GNG7: variants seen among roughly 807,000 people sequenced by gnomAD.
GNG7 encodes guanine nucleotide-binding protein G(I)/G(S)/G(O) subunit gamma-7.
A neutral mutation model predicts 4.0 loss-of-function variants in GNG7; 1 was observed. That is an observed-to-expected ratio of 0.25 (90% confidence interval 0.09 to 1.18). GNG7 has a LOEUF of 1.18. GNG7 is among the 50% of genes most tolerant of loss of function. GNG7 has a pLI of 0.50. For missense variants in GNG7, 86 were observed against 91.9 expected (o/e 0.94, Z 0.26); for synonymous variants, 34 against 36.9 (o/e 0.92, Z 0.29).
intron 3 of GNG7, among the ~76,000 whole-genome samples, chr19:2,545,119 A>T (rs965136824): frequency 2.0e-5 from 3 of 151,628 alleles, no homozygotes; most frequent in African/African-American, 7.3e-5. Flanking sequence ...GGGTCCGTGG[A>T]ATCCCCTATC....
intron 3 of GNG7, among the ~76,000 whole-genome samples, chr19:2,526,566 GATTC>G (rs775252517): frequency 1.4e-3 from 214 of 148,458 alleles, no homozygotes; most frequent in Non-Finnish European, 2.7e-3. Context: ...CATATTTGAA[GATTC>G]ATTCACTATA....
intron 2 of GNG7, chr19:2,643,262 A>G (rs1337518777): frequency 2.3e-6 from 1 of 429,078 alleles, no homozygotes; most frequent in East Asian, 7.4e-5. Context: ...CGGGCTCTGC[A>G]CACCTTCCCG....
At chr19:2,526,530 T>TTA (rs201758145) in intron 3 of GNG7, among the ~76,000 whole-genome samples, 2 of 148,950 alleles carry the variant, frequency 1.3e-5, no homozygotes, top group Non-Finnish European at 3.0e-5. Context: ...ATATTTATAT[T>TTA]TATGTCATTT....
At chr19:2,578,306 C>T (rs931761362) in intron 2 of GNG7, among the ~76,000 whole-genome samples, 10 of 152,092 alleles carry the variant, frequency 6.6e-5, no homozygotes, top group Admixed American at 5.2e-4. Flanking sequence ...GAACCCAATA[C>T]GGGACCCAGA....
chr19:2,641,470 G>A (rs908978841), intron 2 of GNG7, among the ~76,000 whole-genome samples: 1 of 145,068 alleles, frequency 6.9e-6, no homozygotes, highest in African/African-American at 2.8e-5. Flanking sequence ...GAGTCAAACA[G>A]AGACTGGAAG....
rs1391261870 is a variant in GNG7, at chr19:2,633,483, G to GCACA, written c.-78+12740_-78+12741insTGTG. On this transcript the variant is annotated intron_variant, in intron 2 of 4. Coordinates refer to ENST00000382159, the MANE Select transcript of GNG7 (RefSeq NM_052847.3). This position sits in a 1 kb window ranked among gnomAD's most constrained non-coding sequence, Gnocchi z 5.9. ...TGCTTAGCAACAGGCGCGCGCGCGC[G>GCACA]CGCGCACACACACACACACACACAC... 7.1e-4 allele frequency among the ~76,000 whole-genome samples: 57 copies of GCACA among 80,380 alleles called. No homozygotes were observed. Among genetic ancestry groups the GCACA allele is most frequent in the African/African-American group, 1.3e-3 (34 of 26,772 alleles). 52.7% of individuals were successfully genotyped at this position (80,380 alleles called of 152,430 possible).
At chr19:2,597,431 T>C (rs1981055760) in intron 2 of GNG7, among the ~76,000 whole-genome samples, 2 of 151,934 alleles carry the variant, frequency 1.3e-5, no homozygotes, top group Non-Finnish European at 2.9e-5. Flanking sequence ...ACCCCGTGTC[T>C]ACTAAAAATA....
intron 1 of GNG7, among the ~76,000 whole-genome samples, chr19:2,684,540 T>G (rs534491447): frequency 6.6e-6 from 1 of 152,198 alleles, no homozygotes; most frequent in African/African-American, 2.4e-5. Flanking sequence ...CGGAGTATGA[T>G]TCAGCCTTCA....
At chr19:2,519,243 C>T (rs1294881923) in intron 4 of GNG7, among the ~76,000 whole-genome samples, 2 of 150,772 alleles carry the variant, frequency 1.3e-5, no homozygotes, top group Non-Finnish European at 3.0e-5. Context: ...CTCCACCTCC[C>T]AGGTTCAAGT....
intron 2 of GNG7, among the ~76,000 whole-genome samples, chr19:2,637,231 G>C (rs1016196569): frequency 6.7e-6 from 1 of 148,562 alleles, no homozygotes; most frequent in African/African-American, 2.5e-5. Flanking sequence ...CCCCGAGCCC[G>C]GCCCGTCTTT....
At chr19:2,697,790 C>CG (rs1439646352) in intron 1 of GNG7, among the ~76,000 whole-genome samples, 1 of 150,888 alleles carries the variant, frequency 6.6e-6, no homozygotes, top group Non-Finnish European at 1.5e-5. Flanking sequence ...GCCCCGTCCC[C>CG]CCCCCCGCCC....
chr19:2,665,081 G>A (rs1983271971), intron 1 of GNG7, among the ~76,000 whole-genome samples: 2 of 151,312 alleles, frequency 1.3e-5, no homozygotes, highest in African/African-American at 4.9e-5. Flanking sequence ...GAGAGAGGAG[G>A]TGAATCCCAC....
chr19:2,695,709 A>G (rs2159917), intron 1 of GNG7, among the ~76,000 whole-genome samples: 67,987 of 151,896 alleles, frequency 0.45, 16,548 homozygotes, highest in African/African-American at 0.64. Context: ...ACTTGATAGG[A>G]GGCAGGGAAG....
intron 3 of GNG7, among the ~76,000 whole-genome samples, chr19:2,532,149 TCAAAAAAAAAAA>T (rs1317136254): frequency 7.0e-5 from 2 of 28,626 alleles, no homozygotes; most frequent in African/African-American, 1.8e-4. Flanking sequence ...AGACTCCGTC[TCAAAAAAAAAAA>T]CAAAAAAAAA....
intron 2 of GNG7, among the ~76,000 whole-genome samples, chr19:2,621,004 G>A (rs1255690281): frequency 6.6e-6 from 1 of 152,076 alleles, no homozygotes; most frequent in East Asian, 1.9e-4. Context: ...GAGGTGGTAC[G>A]ACTCATACAG....
At chr19:2,562,758 G>A (rs1171589020) in intron 2 of GNG7, among the ~76,000 whole-genome samples, 2 of 152,096 alleles carry the variant, frequency 1.3e-5, no homozygotes, top group Non-Finnish European at 2.9e-5. Flanking sequence ...GAGACTCTGC[G>A]TCCATAATCC....
intron 2 of GNG7, among the ~76,000 whole-genome samples, chr19:2,589,296 C>G (rs1225229927): frequency 6.6e-6 from 1 of 151,322 alleles, no homozygotes; most frequent in Admixed American, 6.6e-5. Context: ...GATATCAGCT[C>G]ACTGTAACCT....
intron 3 of GNG7, chr19:2,538,161 G>A (rs1286960630): frequency 2.2e-6 from 1 of 456,710 alleles, no homozygotes; most frequent in Admixed American, 2.3e-5. Context: ...TGATGCCATG[G>A]ATGGTAAACT....
intron 1 of GNG7, among the ~76,000 whole-genome samples, chr19:2,650,200 T>C (rs1258151505): frequency 2.8e-4 from 39 of 141,606 alleles, no homozygotes; most frequent in African/African-American, 8.7e-4. Context: ...TTTTTTTTTT[T>C]TGAGACAGAG....
Sources: gnomAD v4.1 joint callset for allele counts (sites outside exome capture counted in the v4.1 genomes callset) on GRCh38, gnomAD v4.1.1 for gene constraint, Gnocchi (gnomAD v3.1) non-coding constraint, MANE v1.5 for transcripts, NCBI Gene and HGNC (gene_info 2026-07-23, HGNC 2026-07-21) for gene names.